Variants in TSC22D2 observed in about 807,000 individuals in gnomAD.
The protein encoded by TSC22D2 is TSC22 domain family protein 2.
Under a neutral mutation model 50.1 loss-of-function variants are expected in TSC22D2, and 5 were observed. The observed-to-expected ratio is 0.10, with a 90% CI of 0.05 to 0.21. TSC22D2 has a LOEUF of 0.21. Among genes scored for constraint, TSC22D2 ranks in the 10% least tolerant of loss-of-function variants. The pLI is 1.00. For synonymous variants in TSC22D2, 501 were observed against 450.1 expected (o/e 1.11, Z -1.43); for missense variants, 1,003 against 1,015.5 (o/e 0.99, Z 0.17).
intron 1 of TSC22D2, among the ~76,000 whole-genome samples, chr3:150,452,620 A>G (rs1395939525): frequency 2.0e-5 from 3 of 152,220 alleles, no homozygotes; most frequent in Non-Finnish European, 4.4e-5. Context: ...AGAGCCAGTT[A>G]GGATCAATTA....
In TSC22D2 at chr3:150,458,815, T is replaced by C. The variant is rs1321993422; in HGVS notation, c.*179T>C. On this transcript the variant is annotated 3_prime_UTR_variant, in exon 3 of 3. Transcript: ENST00000688009. ...CTCTCTCTGAGATGTCATGCAGCGC[T>C]GTTGATGTCCAGTTCTATGTCATCA... The C allele has an allele frequency of 1.4e-6, 1 of 721,622 alleles. No homozygotes were observed. The highest frequency in any genetic ancestry group is 2.3e-6 in the Non-Finnish European group (1 of 441,954). The allele number at this position is 721,622 out of a possible 1,614,324, so 44.7% of individuals were successfully genotyped here. A position where few individuals can be genotyped will look rare whatever the true frequency, so the allele number is the denominator to read the frequency against.
Position 150,410,300 on chromosome 3 carries a change from C to A in TSC22D2, c.950C>A (p.Ala317Glu), listed in dbSNP as rs545503984. The A allele has an allele frequency of 5.1e-6, 8 of 1,563,546 alleles. No individual in the cohort carries two copies. The highest frequency in any genetic ancestry group is 6.1e-6 in the Non-Finnish European group (7 of 1,154,444). Residue 317 changes from alanine to glutamate, a missense_variant, in exon 1 of 3, where the codon GCG becomes GAG. Physicochemically the swap from Ala to Glu is moderately radical, Grantham distance 107. Around this residue, in one of 6 missense-constraint regions of TSC22D2, gnomAD observed 696 missense variants for 647.8 expected, o/e 1.07. Transcript: ENST00000688009. ...GCGCAGCCCAGCCAGCCCCAGGGAG[C>A]GGGGCCCGGGGGACAGACTCTGCCG... ...AAAQPSQPQG[A>E]GPGGQTLPPT...
intron 1 of TSC22D2, among the ~76,000 whole-genome samples, chr3:150,431,735 AG>A (rs891862959): frequency 4.6e-5 from 7 of 152,300 alleles, no homozygotes; most frequent in African/African-American, 1.7e-4. Flanking sequence ...AAGTTTTATA[AG>A]GGGAGGTCTT....
chr3:150,426,474 G>A (rs556786872), intron 1 of TSC22D2, among the ~76,000 whole-genome samples: 3 of 152,120 alleles, frequency 2.0e-5, no homozygotes, highest in Non-Finnish European at 1.5e-5. Flanking sequence ...AAAGCTCAGC[G>A]TAAGGGTTTA....
chr3:150,448,404 AG>A (rs1419162430), intron 1 of TSC22D2, among the ~76,000 whole-genome samples: 1 of 152,094 alleles, frequency 6.6e-6, no homozygotes, highest in South Asian at 2.1e-4. Flanking sequence ...GGATTGCTTG[AG>A]CCCAGGAGTT....
Position 150,441,696 on chromosome 3 carries a change from G to A in TSC22D2, c.1959-15380G>A, listed in dbSNP as rs577115011. 9.2e-5 allele frequency among the ~76,000 whole-genome samples: 14 copies of A among 152,260 alleles called. No individual in the cohort carries two copies. In the East Asian group the frequency reaches 1.9e-3, roughly 21 times the overall value. On this transcript the variant is annotated intron_variant, in intron 1 of 2. Transcript: ENST00000688009. ...TTGGGCCTGAGAGGTCAAGGGTGCA[G>A]TGAGCCATGATCGCACCACTCCACT...
intron 1 of TSC22D2, chr3:150,422,894 GTGT>G (rs1720059743): frequency 4.0e-6 from 2 of 494,590 alleles, no homozygotes; most frequent in Admixed American, 7.8e-5. Flanking sequence ...TTCTTCTAAA[GTGT>G]TGTTTTAAGC....
At position 150,462,512 on chromosome 3, in the gene TSC22D2, A is replaced by G. The variant is rs1026033013; in HGVS notation, c.*3876A>G. 7 of 152,162 alleles carry G rather than the reference A, an allele frequency of 4.6e-5. No homozygotes were observed. The highest frequency in any genetic ancestry group is 7.2e-5 in the African/African-American group (3 of 41,434). 9.4% of individuals were successfully genotyped at this position (152,162 alleles called of 1,614,324 possible). A position where few individuals can be genotyped will look rare whatever the true frequency, so the allele number is the denominator to read the frequency against. ...AAAATAAATGAAAGGGCAAAATTAC[A>G]TAGGCAATTTTGTGAAGGTCATGAA... On this transcript the variant is annotated 3_prime_UTR_variant, in exon 3 of 3. Coordinates refer to ENST00000688009, the MANE Select transcript of TSC22D2 (RefSeq NM_001303264.2).
intron 1 of TSC22D2, among the ~76,000 whole-genome samples, chr3:150,424,396 A>T (rs1309947878): frequency 6.6e-6 from 1 of 152,180 alleles, no homozygotes; most frequent in Non-Finnish European, 1.5e-5. Context: ...ATGTAATAAG[A>T]GTAGCTTTCA....
intron 1 of TSC22D2, among the ~76,000 whole-genome samples, chr3:150,418,093 C>G (rs780854222): frequency 2.0e-5 from 3 of 152,010 alleles, no homozygotes; most frequent in Non-Finnish European, 4.4e-5. Flanking sequence ...TGCCACTTGA[C>G]TATTGTGTGG....
In TSC22D2 at chr3:150,465,198, C is replaced by T. The variant is rs983006224; in HGVS notation, c.*6562C>T. The T allele has an allele frequency of 6.6e-6, 1 of 152,176 alleles. No individual in the cohort carries two copies. The highest frequency in any genetic ancestry group is 2.4e-5 in the African/African-American group (1 of 41,446). The allele number at this position is 152,176 out of a possible 1,614,324, so 9.4% of individuals were successfully genotyped here. A position where few individuals can be genotyped will look rare whatever the true frequency, so the allele number is the denominator to read the frequency against. ...TTCACAAAAATTAATTCTAGCTAGA[C>T]TAGCAGTTAGTCTTCTACTTTTTGG... On this transcript the variant is annotated 3_prime_UTR_variant, in exon 3 of 3. Transcript: ENST00000688009.
rs199567095 is a variant in TSC22D2, at chr3:150,448,874, T to TTG, written c.1959-8200_1959-8199dup. Among the ~76,000 whole-genome samples, 711 of 121,646 alleles carry TTG rather than the reference T, an allele frequency of 5.8e-3. 5 individuals are homozygous for TTG. Among genetic ancestry groups the TTG allele is most frequent in the African/African-American group, 0.016 (482 of 29,392 alleles). 79.8% of individuals were successfully genotyped at this position (121,646 alleles called of 152,430 possible). On this transcript the variant is annotated intron_variant, in intron 1 of 2. Transcript: ENST00000688009. ...AAAGAAGATAATGTTAATTTTAATC[T>TTG]TGTATATATATATATATATATAATT...
chr3:150,431,488 T>C (rs1209155538), intron 1 of TSC22D2, among the ~76,000 whole-genome samples: 1 of 152,144 alleles, frequency 6.6e-6, no homozygotes, highest in Non-Finnish European at 1.5e-5. Flanking sequence ...CCAATTATAC[T>C]TAATTAAACA....
Position 150,408,756 on chromosome 3 carries a change from C to T in TSC22D2, c.-595C>T, listed in dbSNP as rs920640009. Reference sequence around the variant, plus strand: ...GCCCCACCGCCCGCCCGCGGACCTTCAGCCAGCTCCGGCCCGCGGCTCCCG... The same window carrying T: ...GCCCCACCGCCCGCCCGCGGACCTTTAGCCAGCTCCGGCCCGCGGCTCCCG... On this transcript the variant is annotated 5_prime_UTR_variant, in exon 1 of 3. Coordinates refer to ENST00000688009, the MANE Select transcript of TSC22D2 (RefSeq NM_001303264.2). The T allele has an allele frequency of 2.0e-5, 3 of 153,590 alleles. No homozygotes were observed. Among genetic ancestry groups the T allele is most frequent in the African/African-American group, 7.2e-5 (3 of 41,486 alleles). 9.5% of individuals were successfully genotyped at this position (153,590 alleles called of 1,614,324 possible). A position where few individuals can be genotyped will look rare whatever the true frequency, so the allele number is the denominator to read the frequency against.
chr3:150,410,939 A>G lies in TSC22D2; in HGVS notation c.1589A>G (p.Asn530Ser), dbSNP rs1560078057. ...TCTACCACTTCTGTTACTATGCCAAATGTACCCGCGCCTCTGGCCCAGTCG... is the reference window on the plus strand; with the variant it reads ...TCTACCACTTCTGTTACTATGCCAAGTGTACCCGCGCCTCTGGCCCAGTCG... Reference protein sequence around the residue: ...SVSTTSVTMPNVPAPLAQSQQ... With the variant: ...SVSTTSVTMPSVPAPLAQSQQ... The change falls in exon 1 of 3, where the codon AAT becomes AGT. Residue 530 changes from asparagine to serine, a missense_variant. This residue lies in a region of TSC22D2 where 696 missense variants were observed against 647.8 expected (regional missense o/e 1.07). Transcript: ENST00000688009. 8.7e-6 allele frequency: 14 copies of G among 1,614,072 alleles called. No individual in the cohort carries two copies. The highest frequency in any genetic ancestry group is 1.2e-5 in the Non-Finnish European group (14 of 1,180,006).
chr3:150,410,836 C>G lies in TSC22D2; in HGVS notation c.1486C>G (p.Pro496Ala), dbSNP rs1375671822. ...MGGSGPLSAV[P>A]GGPHAVVPGV... is the part of the protein sequence containing the mutation. ...TGGCAGTGGTCCGCTGTCAGCCGTA[C>G]CTGGTGGCCCTCACGCCGTGGTGCC... The change falls in exon 1 of 3, where the codon CCT becomes GCT. Residue 496 changes from proline (P) to alanine (A), a missense_variant. Coordinates refer to ENST00000688009, the MANE Select transcript of TSC22D2 (RefSeq NM_001303264.2). The G allele has an allele frequency of 3.7e-6, 6 of 1,613,756 alleles. No individual in the cohort carries two copies. The highest frequency in any genetic ancestry group is 5.1e-6 in the Non-Finnish European group (6 of 1,180,020).
rs746055641 is a variant in TSC22D2 at position 150,410,887 on chromosome 3, G to A, written c.1537G>A (p.Val513Met). The A allele has an allele frequency of 1.9e-6, 3 of 1,613,888 alleles. No homozygotes were observed. Among genetic ancestry groups the A allele is most frequent in the African/African-American group, 2.7e-5 (2 of 74,932 alleles). ...CGGAGTTCCAAACGTGCCTGCAGCC[G>A]TGCCCGCTCCAAGCGTGCCTAGTGT... ...VPGVPNVPAA[V>M]PAPSVPSVST... The change falls in exon 1 of 3, where the codon GTG (valine) becomes ATG (methionine). Residue 513 changes from valine to methionine, a missense_variant. Physicochemically the swap from Val to Met is conservative, Grantham distance 21 (BLOSUM62 1). Around this residue, in one of 6 missense-constraint regions of TSC22D2, gnomAD observed 696 missense variants for 647.8 expected, o/e 1.07. Transcript: ENST00000688009.
At chr3:150,453,180 A>G (rs950208771) in intron 1 of TSC22D2, among the ~76,000 whole-genome samples, 2 of 152,148 alleles carry the variant, frequency 1.3e-5, no homozygotes, top group African/African-American at 2.4e-5. Context: ...TTTCTTAGGG[A>G]GCTTAAGTTT....
intron 2 of TSC22D2, among the ~76,000 whole-genome samples, chr3:150,457,353 A>G (rs1721221315): frequency 1.3e-5 from 2 of 152,218 alleles, no homozygotes; most frequent in Admixed American, 6.5e-5. Context: ...CATTTCATGC[A>G]TTATCATTGA....
Sources: allele counts gnomAD v4.1 joint callset (sites outside exome capture counted in the v4.1 genomes callset), GRCh38; gene constraint gnomAD v4.1.1; regional missense constraint gnomAD v4.1.1; transcripts MANE v1.5; gene names NCBI Gene and HGNC (gene_info 2026-07-23, HGNC 2026-07-21).